CC2D2B: variants seen among roughly 807,000 people sequenced by gnomAD.
CC2D2B encodes coiled-coil and C2 domain containing 2B.
In CC2D2B, 128 loss-of-function variants were observed where a neutral mutation model predicts 161.2. The observed-to-expected ratio is 0.79, with a 90% CI of 0.69 to 0.92. The LOEUF (loss-of-function observed/expected upper bound fraction) is 0.92. CC2D2B is among the 40% of genes least tolerant of loss of function. The pLI, the probability that CC2D2B is intolerant of heterozygous loss-of-function variation, is 0.00. For synonymous variants in CC2D2B, 391 were observed against 449.8 expected (o/e 0.87, Z 1.65); for missense variants, 1,173 against 1,375.1 (o/e 0.85, Z 2.32).
intron 32 of CC2D2B, chr10:96,020,476 G>A (rs2079403851): frequency 6.6e-6 from 1 of 152,304 alleles, no homozygotes; most frequent in Non-Finnish European, 1.5e-5. Context: ...TAATGGATCT[G>A]TGATGTACTC....
chr10:95,950,145 T>G (rs185720458), intron 10 of CC2D2B, 40 bp downstream of exon 10: 2 of 398,494 alleles, frequency 5.0e-6, no homozygotes, highest in African/African-American at 4.1e-5. Flanking sequence ...CATTTAATAT[T>G]GAAAAAGAAA....
intron 11 of CC2D2B, among the ~76,000 whole-genome samples, chr10:95,960,397 G>A (rs187978907): frequency 1.3e-5 from 2 of 152,288 alleles, no homozygotes; most frequent in Non-Finnish European, 2.9e-5. Context: ...CTTATTACAA[G>A]TGTGATGAAT....
At chr10:96,025,211 A>ATATATATG (rs2079707731) in intron 33 of CC2D2B, among the ~76,000 whole-genome samples, 3 of 130,168 alleles carry the variant, frequency 2.3e-5, no homozygotes, top group African/African-American at 9.0e-5. Flanking sequence ...ATATATATAT[A>ATATATATG]TATATATATA....
At chr10:95,965,374 G>T (rs1413104486) in intron 12 of CC2D2B, among the ~76,000 whole-genome samples, 1 of 152,032 alleles carries the variant, frequency 6.6e-6, no homozygotes, top group African/African-American at 2.4e-5. Flanking sequence ...GGATTAGCTA[G>T]TAGTAGTAGT....
chr10:95,957,553 A>ATTTTTTTTTTTTTTTTTTTTTTT, intron 11 of CC2D2B, among the ~76,000 whole-genome samples: 1 of 83,736 alleles, frequency 1.2e-5, no homozygotes, highest in Non-Finnish European at 2.2e-5. Context: ...GCTGACAATG[A>ATTTTTTTTTTTTTTTTTTTTTTT]TTTTTTTTTT....
intron 26 of CC2D2B, 80 bp downstream of exon 26, chr10:96,010,003 ACT>A (rs1290731589): frequency 2.2e-5 from 18 of 815,254 alleles, no homozygotes; most frequent in Non-Finnish European, 3.7e-5. Flanking sequence ...TTTGAATCAG[ACT>A]CTGTGATTGG....
intron 3 of CC2D2B, among the ~76,000 whole-genome samples, chr10:95,922,821 C>CA (rs1229557525): frequency 6.6e-6 from 1 of 151,782 alleles, no homozygotes; most frequent in African/African-American, 2.4e-5. Flanking sequence ...TTTTAAGAAA[C>CA]AGAGTCTTGC....
At chr10:96,020,091 C>T (rs1184479605) in intron 32 of CC2D2B, 1 of 317,632 alleles carries the variant, frequency 3.1e-6, no homozygotes, top group Non-Finnish European at 5.7e-6. Flanking sequence ...TAAAACATAA[C>T]ATATAATGTT....
chr10:95,996,880 A>G (rs2078249736), intron 24 of CC2D2B, among the ~76,000 whole-genome samples: 1 of 152,152 alleles, frequency 6.6e-6, no homozygotes, highest in Non-Finnish European at 1.5e-5. Flanking sequence ...AGGCCATGAG[A>G]GCTCCACCCT....
chr10:95,947,113 A>ATATATATAT (rs1289243570), intron 9 of CC2D2B, among the ~76,000 whole-genome samples: 6 of 48,386 alleles, frequency 1.2e-4, no homozygotes, highest in African/African-American at 5.6e-4. Context: ...ATATATATAT[A>ATATATATAT]TTTTTTTTTT....
intron 12 of CC2D2B, 114 bp downstream of exon 12, chr10:95,962,083 T>A (rs2076778621): frequency 1.8e-6 from 1 of 542,604 alleles, no homozygotes; most frequent in South Asian, 1.0e-4. Flanking sequence ...TTCCATGTAG[T>A]CAACAAAGAA....
Position 96,032,027 on chromosome 10 carries a change from T to G in CC2D2B, c.*19T>G, listed in dbSNP as rs749540705. On this transcript the variant is annotated 3_prime_UTR_variant, in exon 35 of 35. Transcript: ENST00000646931. ...TCAATGAAAAGGAAGCAGAGCAAAGTAAAAGATTGTACTATAGTCCTCTAG... is the reference window on the plus strand; with the variant it reads ...TCAATGAAAAGGAAGCAGAGCAAAGGAAAAGATTGTACTATAGTCCTCTAG... 1.3e-6 allele frequency: 2 copies of G among 1,592,434 alleles called. No individual in the cohort carries two copies. The highest frequency in any genetic ancestry group is 1.7e-6 in the Non-Finnish European group (2 of 1,163,792).
chr10:96,017,795 C>T lies in CC2D2B; in HGVS notation c.3631-1408C>T, dbSNP rs528264111. ...ATAAATAAATAAATAAATAAATAAG[C>T]CAGGCATACTGACACATACCTGTGG... On this transcript the variant is annotated intron_variant, in intron 30 of 34. Transcript: ENST00000646931. Among the ~76,000 whole-genome samples the T allele has an allele frequency of 1.0e-3, 155 of 148,060 alleles. 2 individuals carry two copies. The South Asian group carries it at 0.015, about 15-fold the overall frequency.
chr10:96,019,979 C>A, intron 32 of CC2D2B, 155 bp downstream of exon 32: 1 of 598,008 alleles, frequency 1.7e-6, no homozygotes, highest in Non-Finnish European at 2.8e-6. Flanking sequence ...CCATCCAGCT[C>A]ACAGGCTCTT....
chr10:96,009,830 C>G lies in CC2D2B; in HGVS notation c.2952C>G (p.His984Gln), dbSNP rs1483345078. The G allele has an allele frequency of 2.0e-6, 3 of 1,520,272 alleles. No individual in the cohort carries two copies. The Admixed American group carries it at 5.6e-5, about 29-fold the overall frequency. The allele number at this position is 1,520,272 out of a possible 1,614,324, so 94.2% of individuals were successfully genotyped here. Reference protein sequence around the residue: ...DEMMTEKHEDHCLKSCSGHSY... With the variant: ...DEMMTEKHEDQCLKSCSGHSY... ...AAAATTATTTATTTTCATAGGATCA[C>G]TGTCTCAAGAGCTGTAGTGGTCACT... The change falls in exon 26 of 35, where the codon CAC (histidine) becomes CAG (glutamine). Residue 984 changes from histidine (H) to glutamine (Q), a missense_variant. Coordinates refer to ENST00000646931, the MANE Select transcript of CC2D2B (RefSeq NM_001349008.3).
Position 96,012,652 on chromosome 10 carries a change from G to A in CC2D2B, c.3349G>A (p.Val1117Ile). ...TAATGATGAAGGGATACAGTTCTTA[G>A]TCACAAGATATATCAAGGCATTAAA... The part of the protein sequence containing the change: ...VFNDEGIQFL[V>I]TRYIKALNPP... Residue 1117 changes from valine (V) to isoleucine (I), a missense_variant, in exon 28 of 35, where the codon GTC (valine) becomes ATC (isoleucine). Physicochemically the swap from Val to Ile is conservative, Grantham distance 29. Coordinates refer to ENST00000646931, the MANE Select transcript of CC2D2B (RefSeq NM_001349008.3). The A allele has an allele frequency of 1.2e-6, 2 of 1,611,428 alleles. No individual in the cohort carries two copies. The highest frequency in any genetic ancestry group is 1.7e-6 in the Non-Finnish European group (2 of 1,177,658).
At chr10:95,939,529 T>A (rs11188530) in intron 9 of CC2D2B, among the ~76,000 whole-genome samples, 1 of 93,022 alleles carries the variant, frequency 1.1e-5, no homozygotes, top group African/African-American at 3.4e-5. Context: ...GGTTATAGGT[T>A]TGTATATGTT....
rs1210145222 is a variant in CC2D2B, at chr10:95,927,845, C to T, written c.336+513C>T. Among the ~76,000 whole-genome samples the T allele has an allele frequency of 2.6e-5, 4 of 152,042 alleles. No individual in the cohort carries two copies. The South Asian group carries it at 6.2e-4, about 24-fold the overall frequency. On this transcript the variant is annotated intron_variant, in intron 6 of 34. Coordinates refer to ENST00000646931, the MANE Select transcript of CC2D2B (RefSeq NM_001349008.3). ...CCTTCTAGTCAGTCCCTCTCAGTCC[C>T]CCTCAAACTGTGTAGTCTCCCTGTT...
At chr10:95,942,930 C>G (rs981409680) in intron 9 of CC2D2B, among the ~76,000 whole-genome samples, 1 of 151,944 alleles carries the variant, frequency 6.6e-6, no homozygotes, top group Admixed American at 6.6e-5. Context: ...TTTCACAGAC[C>G]TGTTGTTTTT....
Sources: gnomAD v4.1 joint callset for allele counts (sites outside exome capture counted in the v4.1 genomes callset) on GRCh38, gnomAD v4.1.1 for gene constraint, MANE v1.5 for transcripts, NCBI Gene and HGNC (gene_info 2026-07-23, HGNC 2026-07-21) for gene names.